Variants in PARD3B observed in about 807,000 individuals in gnomAD.
PARD3B encodes the protein par-3 family cell polarity regulator beta.
PARD3B carries 103 observed loss-of-function variants against 130.2 expected under a neutral mutation model. The observed-to-expected ratio is 0.79, with a 90% CI of 0.67 to 0.93. The LOEUF is 0.93. PARD3B is among the 40% of genes least tolerant of loss of function. PARD3B has a pLI of 0.00. For missense variants in PARD3B, 1,609 were observed against 1,499.2 expected (o/e 1.07, Z -1.21); for synonymous variants, 583 against 553.2 (o/e 1.05, Z -0.76).
At chr2:205,277,576 A>G (rs2040999069) in intron 16 of PARD3B, among the ~76,000 whole-genome samples, 1 of 152,194 alleles carries the variant, frequency 6.6e-6, no homozygotes, top group African/African-American at 2.4e-5. Context: ...TGATGTCTAA[A>G]AAATGGCCAG....
chr2:204,891,840 G>A (rs2046459272), intron 2 of PARD3B, among the ~76,000 whole-genome samples: 1 of 152,138 alleles, frequency 6.6e-6, no homozygotes, highest in Admixed American at 6.6e-5. Flanking sequence ...AGAGCTTTGT[G>A]CTCCTGTTCT....
At chr2:205,226,335 C>A (rs376832219) in intron 15 of PARD3B, among the ~76,000 whole-genome samples, 2 of 152,138 alleles carry the variant, frequency 1.3e-5, no homozygotes, top group Non-Finnish European at 2.9e-5. Flanking sequence ...CCACCACGCC[C>A]GGCCAAAAAA....
intron 20 of PARD3B, among the ~76,000 whole-genome samples, chr2:205,447,441 G>A (rs1370828557): frequency 2.6e-5 from 4 of 152,184 alleles, no homozygotes; most frequent in South Asian, 2.1e-4. Flanking sequence ...GCAATGGCAC[G>A]ATCTTGGCTC....
intron 1 of PARD3B, among the ~76,000 whole-genome samples, chr2:204,642,831 C>T (rs547648052): frequency 4.0e-5 from 6 of 151,614 alleles, no homozygotes; most frequent in South Asian, 2.1e-4. Flanking sequence ...TGGCACCTCT[C>T]GGCCGGGCGC....
intron 15 of PARD3B, among the ~76,000 whole-genome samples, chr2:205,214,506 C>A (rs1263354394): frequency 2.6e-5 from 4 of 151,176 alleles, no homozygotes; most frequent in South Asian, 4.2e-4. Flanking sequence ...AAAAAAAAAT[C>A]CTGACTCAAA....
chr2:204,820,467 G>T (rs565546061), intron 2 of PARD3B, among the ~76,000 whole-genome samples: 7 of 152,078 alleles, frequency 4.6e-5, no homozygotes, highest in African/African-American at 1.7e-4. Context: ...GTCAATCCCT[G>T]GTTTCGAAGG....
At chr2:205,064,802 C>A (rs1374402276) in intron 4 of PARD3B, among the ~76,000 whole-genome samples, 4 of 152,148 alleles carry the variant, frequency 2.6e-5, no homozygotes. Flanking sequence ...ATAAAAAAGT[C>A]AGTGTGCAAA....
In PARD3B at chr2:205,446,980, A is replaced by G. The variant is rs1271032116; in HGVS notation, c.3044+6308A>G. On this transcript the variant is annotated intron_variant, in intron 20 of 22. Coordinates refer to ENST00000406610, the MANE Select transcript of PARD3B (RefSeq NM_001302769.2). The surrounding 1 kb of genome is among the most constrained non-coding windows in gnomAD (Gnocchi z 4.4). ...GCATTAGTTTGTGTGACAATTTGAC[A>G]TTCATTTCTAGAGGTTGCCAAATGG... Among the ~76,000 whole-genome samples, 1 of 152,242 alleles carries G rather than the reference A, an allele frequency of 6.6e-6. No individual in the cohort carries two copies. Among genetic ancestry groups the G allele is most frequent in the Non-Finnish European group, 1.5e-5 (1 of 68,046 alleles).
At chr2:205,606,463 C>T (rs1418138359) in intron 22 of PARD3B, among the ~76,000 whole-genome samples, 1 of 152,068 alleles carries the variant, frequency 6.6e-6, no homozygotes, top group Non-Finnish European at 1.5e-5. Flanking sequence ...ATGAAAGAAC[C>T]TGGATACCTC....
chr2:205,302,071 T>TTTC (rs2042028722), intron 18 of PARD3B, among the ~76,000 whole-genome samples: 1 of 127,476 alleles, frequency 7.8e-6, no homozygotes, highest in Non-Finnish European at 1.7e-5. Context: ...TTTTCTTTTT[T>TTTC]TTTTTTTTTT....
At chr2:205,580,036 T>A (rs1296774135) in intron 22 of PARD3B, among the ~76,000 whole-genome samples, 1 of 152,198 alleles carries the variant, frequency 6.6e-6, no homozygotes, top group Non-Finnish European at 1.5e-5. Flanking sequence ...AAGATGATAC[T>A]TGCATAAAGA....
intron 20 of PARD3B, among the ~76,000 whole-genome samples, chr2:205,457,979 T>A (rs916739172): frequency 6.6e-6 from 1 of 152,138 alleles, no homozygotes; most frequent in African/African-American, 2.4e-5. Flanking sequence ...TCCAAACACA[T>A]CCAAAATCCA....
intron 1 of PARD3B, among the ~76,000 whole-genome samples, chr2:204,591,638 G>C (rs557493629): frequency 1.1e-4 from 16 of 152,328 alleles, no homozygotes; most frequent in African/African-American, 3.8e-4. Flanking sequence ...TTTGGGGCCA[G>C]GGGCTAAGGT....
Position 205,397,736 on chromosome 2 carries a change from C to A in PARD3B, c.2631-3277C>A, listed in dbSNP as rs142701508. Among the ~76,000 whole-genome samples the A allele has an allele frequency of 5.0e-4, 76 of 152,200 alleles. No homozygotes were observed. Among genetic ancestry groups the A allele is most frequent in the Non-Finnish European group, 9.3e-4 (63 of 67,998 alleles). On this transcript the variant is annotated intron_variant, in intron 18 of 22. Coordinates refer to ENST00000406610, the MANE Select transcript of PARD3B (RefSeq NM_001302769.2). The surrounding 1 kb of genome is among the most constrained non-coding windows in gnomAD (Gnocchi z 4.8). ...TCAACCTCCTAAAGCATTATTTCTA[C>A]CCTGACTCCCCACCGTGTTGAATAT... is the stretch of plus-strand genomic sequence containing the variant.
chr2:204,674,052 C>CTG (rs1559048409), intron 1 of PARD3B, among the ~76,000 whole-genome samples: 1 of 152,124 alleles, frequency 6.6e-6, no homozygotes, highest in South Asian at 2.1e-4. Context: ...TTACTCCTTT[C>CTG]TGTTTCTCAT....
chr2:205,493,146 A>G (rs888804457), intron 20 of PARD3B, among the ~76,000 whole-genome samples: 1 of 152,116 alleles, frequency 6.6e-6, no homozygotes. Flanking sequence ...TATTATAGTT[A>G]TGTTATTGAG....
intron 21 of PARD3B, among the ~76,000 whole-genome samples, chr2:205,536,501 C>A (rs978439813): frequency 3.9e-5 from 6 of 152,052 alleles, no homozygotes; most frequent in African/African-American, 1.2e-4. Context: ...GTGATGTTTC[C>A]CTTGTGAATG....
At chr2:204,821,816 C>T (rs2043369909) in intron 2 of PARD3B, among the ~76,000 whole-genome samples, 1 of 152,176 alleles carries the variant, frequency 6.6e-6, no homozygotes, top group Non-Finnish European at 1.5e-5. Flanking sequence ...TTCTTGCCTT[C>T]CACCATGATT....
At position 204,606,930 on chromosome 2, in the gene PARD3B, A is replaced by G. The variant is rs1330823077; in HGVS notation, c.120+60811A>G. Among the ~76,000 whole-genome samples, 2 of 151,976 alleles carry G rather than the reference A, an allele frequency of 1.3e-5. No individual in the cohort carries two copies. Among genetic ancestry groups the G allele is most frequent in the East Asian group, 1.9e-4 (1 of 5,178 alleles). On this transcript the variant is annotated intron_variant, in intron 1 of 22. Coordinates refer to ENST00000406610, the MANE Select transcript of PARD3B (RefSeq NM_001302769.2). The surrounding 1 kb of genome is among the most constrained non-coding windows in gnomAD (Gnocchi z 4.0). ...GAACAATCCCGTATCTTTTTCATAT[A>G]TTTACCTTTAAAGAAAGACATTGTT...
Sources: allele counts gnomAD v4.1 joint callset (sites outside exome capture counted in the v4.1 genomes callset), GRCh38; gene constraint gnomAD v4.1.1; non-coding constraint Gnocchi (gnomAD v3.1); transcripts MANE v1.5; gene names NCBI Gene and HGNC (gene_info 2026-07-23, HGNC 2026-07-21).